FOCAD: variants seen among roughly 807,000 people sequenced by gnomAD.
The protein encoded by FOCAD is focadhesin, also known as KIAA1797.
A neutral mutation model predicts 225.6 loss-of-function variants in FOCAD; 198 were observed. That is an observed-to-expected ratio of 0.88 (90% CI 0.78 to 0.99). The LOEUF (loss-of-function observed/expected upper bound fraction) is 0.99, where lower values mean the gene tolerates loss of function less well. Ranked by LOEUF, FOCAD falls within the 50% of genes least tolerant of loss-of-function variation. FOCAD has a pLI of 0.00. For synonymous variants in FOCAD, 897 were observed against 755.0 expected, an observed-to-expected ratio of 1.19 and a Z score of -3.08; for missense variants, 2,713 against 2,123.6, an observed-to-expected ratio of 1.28 and a Z score of -5.46.
intron 15 of FOCAD, among the ~76,000 whole-genome samples, chr9:20,830,258 G>A (rs1403472989): frequency 6.6e-6 from 1 of 151,784 alleles, no homozygotes. Flanking sequence ...ATAATGTTTT[G>A]CATTATTAAG....
At chr9:20,957,687 T>C (rs1218761979) in intron 35 of FOCAD, 1 of 140,882 alleles carries the variant, frequency 7.1e-6, no homozygotes, top group African/African-American at 2.6e-5. Context: ...TTTTTTTTTT[T>C]TTTTTTTTTT....
rs534144854 is a variant in FOCAD, at chr9:20,779,854, G to A, written c.994+1086G>A. On this transcript the variant is annotated intron_variant, in intron 9 of 43. Transcript: ENST00000338382. ...AGTGAATTGCTCTTTCACCTACAGT[G>A]TGCCTTGGAAATGGCTTTAGCACAT... Among the ~76,000 whole-genome samples, 3 of 152,152 alleles carry A rather than the reference G, an allele frequency of 2.0e-5. No individual in the cohort carries two copies. In the South Asian group the frequency reaches 6.2e-4, roughly 32 times the overall value.
rs1826069093 is a variant in FOCAD, at chr9:20,724,906, T to C, written c.287+4372T>C. 2.0e-5 allele frequency among the ~76,000 whole-genome samples: 3 copies of C among 152,156 alleles called. No individual in the cohort carries two copies. The South Asian group carries it at 6.2e-4, about 31-fold the overall frequency. On this transcript the variant is annotated intron_variant, in intron 4 of 43. Coordinates refer to ENST00000338382, the MANE Select transcript of FOCAD (RefSeq NM_001375567.1). ...AGAATGGGCCAGGCGTGGTGGCTCA[T>C]GCCCGTAATCCCAGCACTTTGGGAG...
intron 42 of FOCAD, among the ~76,000 whole-genome samples, chr9:20,992,008 T>G (rs932722282): frequency 2.6e-5 from 4 of 152,160 alleles, no homozygotes; most frequent in Non-Finnish European, 2.9e-5. Flanking sequence ...AGAAAAAAAT[T>G]TTTGATTAAA....
chr9:20,656,580 T>G (rs1262144108), upstream of FOCAD, among the ~76,000 whole-genome samples: 2 of 151,904 alleles, frequency 1.3e-5, 1 homozygote, highest in Non-Finnish European at 2.9e-5. Flanking sequence ...GTCTGTTTTA[T>G]CAGAGACTAG....
chr9:20,912,937 AAGCAC>A lies in FOCAD; in HGVS notation c.2794_2798del (p.Thr932LeufsTer5). 2 of 1,613,062 alleles carry A rather than the reference AAGCAC, an allele frequency of 1.2e-6. No individual in the cohort carries two copies. Reference sequence around the variant, plus strand: ...AACCTGAGGAGGTGCAGTACAAAAAAAGCACAGCCTGGCTCTGGTAAGTGTTCATG... The same window carrying A: ...AACCTGAGGAGGTGCAGTACAAAAAAAGCCTGGCTCTGGTAAGTGTTCATG... On this transcript the variant is annotated frameshift_variant, in exon 23 of 44. Coordinates refer to ENST00000338382, the MANE Select transcript of FOCAD (RefSeq NM_001375567.1). LOFTEE classifies it high-confidence loss of function.
intron 5 of FOCAD, among the ~76,000 whole-genome samples, chr9:20,754,873 T>A (rs1202919077): frequency 6.6e-6 from 1 of 152,196 alleles, no homozygotes; most frequent in Non-Finnish European, 1.5e-5. Flanking sequence ...CAATGAAGTT[T>A]ATTGAATTAA....
At chr9:20,963,271 A>C (rs77302759) in intron 35 of FOCAD, among the ~76,000 whole-genome samples, 1 of 152,202 alleles carries the variant, frequency 6.6e-6, no homozygotes, top group Non-Finnish European at 1.5e-5. Context: ...TGACACTTGC[A>C]TGTATATTAG....
intron 15 of FOCAD, among the ~76,000 whole-genome samples, chr9:20,825,242 A>T (rs1824760492): frequency 1.3e-5 from 2 of 151,428 alleles, no homozygotes; most frequent in South Asian, 4.2e-4. Flanking sequence ...CATAAAGTAT[A>T]CTTGGTATTC....
chr9:20,938,373 A>T (rs1194183105), intron 28 of FOCAD, among the ~76,000 whole-genome samples: 1 of 152,226 alleles, frequency 6.6e-6, no homozygotes, highest in Non-Finnish European at 1.5e-5. Context: ...AATGTGGCAC[A>T]TATACACCAT....
At chr9:20,802,765 A>T (rs923405081) in intron 11 of FOCAD, among the ~76,000 whole-genome samples, 2 of 152,140 alleles carry the variant, frequency 1.3e-5, no homozygotes, top group African/African-American at 4.8e-5. Flanking sequence ...AATTTGATAT[A>T]GGCGGAATTA....
rs902751295 is a variant in FOCAD, at chr9:20,818,508, G to T, written c.1456-1288G>T. Among the ~76,000 whole-genome samples the T allele has an allele frequency of 2.0e-5, 3 of 151,892 alleles. No homozygotes were observed. The East Asian group carries it at 5.8e-4, about 29-fold the overall frequency. ...GTTATAGTTTTAGCTCGTACATTTAGTTCTAAAATCCATTTTGAGTTAATT... is the reference window on the plus strand; with the variant it reads ...GTTATAGTTTTAGCTCGTACATTTATTTCTAAAATCCATTTTGAGTTAATT... On this transcript the variant is annotated intron_variant, in intron 11 of 43. Transcript: ENST00000338382.
intron 1 of FOCAD, among the ~76,000 whole-genome samples, chr9:20,694,966 C>G (rs954500093): frequency 1.3e-5 from 2 of 152,144 alleles, no homozygotes; most frequent in African/African-American, 4.8e-5. Context: ...AATTTGGTTA[C>G]TATGTCTGTT....
intron 6 of FOCAD, among the ~76,000 whole-genome samples, chr9:20,764,602 C>G (rs1829899324): frequency 6.6e-6 from 1 of 152,196 alleles, no homozygotes; most frequent in African/African-American, 2.4e-5. Flanking sequence ...GATGTAGTTG[C>G]TATTCTAATG....
chr9:20,730,315 A>G (rs1159944422), intron 4 of FOCAD, among the ~76,000 whole-genome samples: 3 of 152,046 alleles, frequency 2.0e-5, no homozygotes, highest in Non-Finnish European at 4.4e-5. Flanking sequence ...AAATACTTCT[A>G]TAAAGAGAAT....
intron 22 of FOCAD, among the ~76,000 whole-genome samples, chr9:20,909,575 C>T (rs939173553): frequency 1.3e-5 from 2 of 152,032 alleles, no homozygotes; most frequent in African/African-American, 4.8e-5. Flanking sequence ...CTTTATTTAT[C>T]ATTTAAAATC....
chr9:20,990,588 T>C (rs1412704309), intron 42 of FOCAD, among the ~76,000 whole-genome samples: 1 of 152,200 alleles, frequency 6.6e-6, no homozygotes, highest in East Asian at 1.9e-4. Flanking sequence ...GGCAGCTTGC[T>C]TACAGCTGGG....
At chr9:20,890,190 C>A (rs1019252085) in intron 21 of FOCAD, among the ~76,000 whole-genome samples, 18 of 151,790 alleles carry the variant, frequency 1.2e-4, no homozygotes, top group Non-Finnish European at 4.4e-5. Flanking sequence ...TGCTGGACTG[C>A]ACTATCTAGG....
At chr9:20,849,548 T>C (rs1244641022) in intron 15 of FOCAD, among the ~76,000 whole-genome samples, 1 of 151,990 alleles carries the variant, frequency 6.6e-6, no homozygotes, top group Non-Finnish European at 1.5e-5. Context: ...TTTTGAACTC[T>C]TTATTATTTG....
Sources: allele counts gnomAD v4.1 joint callset (sites outside exome capture counted in the v4.1 genomes callset), GRCh38; gene constraint gnomAD v4.1.1; transcripts MANE v1.5; gene names NCBI Gene and HGNC (gene_info 2026-07-23, HGNC 2026-07-21).